The following ZSCAN25 variants were observed in gnomAD, a reference collection of about 807,000 sequenced individuals.
ZSCAN25 encodes zinc finger and SCAN domain containing 25.
A neutral mutation model predicts 38.7 loss-of-function variants in ZSCAN25; 27 were observed. The ratio of observed to expected loss-of-function variants is 0.70; its 90% CI spans 0.51 to 0.96. ZSCAN25 has a LOEUF of 0.96. ZSCAN25 is among the 40% of genes least tolerant of loss of function. The pLI is 0.00. For missense variants in ZSCAN25, 637 were observed against 705.9 expected (o/e 0.90, Z 1.11); for synonymous variants, 273 against 277.7 (o/e 0.98, Z 0.17).
downstream of ZSCAN25, among the ~76,000 whole-genome samples, chr7:99,633,883 T>G (rs1438674289): frequency 6.6e-6 from 1 of 152,244 alleles, no homozygotes; most frequent in Non-Finnish European, 1.5e-5. Context: ...ACAGCTTCTT[T>G]GCTTTCTGGC....
At chr7:99,647,476 A>T in the ZSCAN25 span, 5 of 985,144 alleles carry the variant, frequency 5.1e-6, no homozygotes, top group Non-Finnish European at 6.0e-6. Context: ...TTCAGTGTTC[A>T]TTGCATTAAG....
the ZSCAN25 span, among the ~76,000 whole-genome samples, chr7:99,639,695 T>G: frequency 6.6e-6 from 1 of 152,186 alleles, no homozygotes; most frequent in Non-Finnish European, 1.5e-5. Context: ...GGCACTATGG[T>G]GAGAGCAGTT....
chr7:99,663,815 C>A, the ZSCAN25 span: 1 of 1,342,474 alleles, frequency 7.4e-7, no homozygotes, highest in South Asian at 2.0e-5. Context: ...CTTCCCCAAT[C>A]TCCTTCTTTA....
intron 1 of ZSCAN25, among the ~76,000 whole-genome samples, chr7:99,617,741 A>G (rs774922140): frequency 6.6e-6 from 1 of 152,168 alleles, no homozygotes; most frequent in Non-Finnish European, 1.5e-5. Context: ...ATCCTGTCTC[A>G]GAAACAAAAC....
the ZSCAN25 span, among the ~76,000 whole-genome samples, chr7:99,727,571 A>C: frequency 6.6e-6 from 1 of 151,660 alleles, no homozygotes; most frequent in African/African-American, 2.4e-5. Flanking sequence ...CATTCACTCT[A>C]TTTCCCCATA....
chr7:99,650,373 A>G, the ZSCAN25 span: 1 of 744,258 alleles, frequency 1.3e-6, no homozygotes, highest in East Asian at 2.6e-5. Flanking sequence ...TGGTCATTGA[A>G]ATCCTGCTTT....
At chr7:99,705,580 G>A in the ZSCAN25 span, 30 of 1,613,116 alleles carry the variant, frequency 1.9e-5, no homozygotes, top group East Asian at 1.6e-4. Flanking sequence ...CCTCCAAAGC[G>A]TAATTTCAGG....
chr7:99,687,309 A>G, the ZSCAN25 span, among the ~76,000 whole-genome samples: 1 of 152,234 alleles, frequency 6.6e-6, no homozygotes, highest in Non-Finnish European at 1.5e-5. Context: ...AGAATAACCA[A>G]TACAGAGAAG....
chr7:99,651,614 C>T, the ZSCAN25 span, among the ~76,000 whole-genome samples: 2,608 of 152,296 alleles, frequency 0.017, 84 homozygotes, highest in African/African-American at 0.058. Flanking sequence ...GACAAGGTTC[C>T]TCCCATCAGC....
the ZSCAN25 span, among the ~76,000 whole-genome samples, chr7:99,713,296 T>G: frequency 6.6e-6 from 1 of 152,170 alleles, no homozygotes; most frequent in Non-Finnish European, 1.5e-5. Context: ...TGGCTATCTA[T>G]GCCTGCATGC....
the ZSCAN25 span, chr7:99,720,188 A>C: frequency 8.6e-7 from 1 of 1,168,232 alleles, no homozygotes; most frequent in South Asian, 1.4e-5. Flanking sequence ...GGGGATGGGC[A>C]GGATGAAGTG....
the ZSCAN25 span, among the ~76,000 whole-genome samples, chr7:99,697,298 C>A: frequency 6.6e-6 from 1 of 152,120 alleles, no homozygotes; most frequent in Non-Finnish European, 1.5e-5. Context: ...ACTGAGGGTT[C>A]TGGATATCTG....
At chr7:99,731,529 C>T in the ZSCAN25 span, among the ~76,000 whole-genome samples, 4 of 152,280 alleles carry the variant, frequency 2.6e-5, no homozygotes, top group East Asian at 7.7e-4. Flanking sequence ...GGATTCTCAT[C>T]CTAGGTAGAA....
the ZSCAN25 span, among the ~76,000 whole-genome samples, chr7:99,651,263 TAC>T: frequency 6.6e-6 from 1 of 152,144 alleles, no homozygotes; most frequent in African/African-American, 2.4e-5. Context: ...AATATATATA[TAC>T]ACACACATAT....
chr7:99,656,638 A>G, the ZSCAN25 span, among the ~76,000 whole-genome samples: 1 of 152,190 alleles, frequency 6.6e-6, no homozygotes, highest in Non-Finnish European at 1.5e-5. Flanking sequence ...ATTGATTGGA[A>G]TAGTTTCAGA....
the ZSCAN25 span, among the ~76,000 whole-genome samples, chr7:99,641,555 C>G: frequency 6.6e-6 from 1 of 152,146 alleles, no homozygotes; most frequent in African/African-American, 2.4e-5. Flanking sequence ...TGAGTTCTAA[C>G]TCATATTCAC....
At chr7:99,720,632 G>A in the ZSCAN25 span, 4 of 489,584 alleles carry the variant, frequency 8.2e-6, no homozygotes, top group South Asian at 7.8e-5. Flanking sequence ...GGGCCAAACA[G>A]GGAAGAGAGA....
chr7:99,718,237 C>T, the ZSCAN25 span, among the ~76,000 whole-genome samples: 76 of 152,086 alleles, frequency 5.0e-4, no homozygotes, highest in South Asian at 1.7e-3. Context: ...CAAACCTGCA[C>T]GTTGTGCACA....
At chr7:99,643,776 C>A in the ZSCAN25 span, among the ~76,000 whole-genome samples, 106 of 151,578 alleles carry the variant, frequency 7.0e-4, no homozygotes, top group Non-Finnish European at 1.0e-3. Flanking sequence ...ATTGCTCCCC[C>A]CTCTCAGCCC....
Sources: gnomAD v4.1 joint callset for allele counts (sites outside exome capture counted in the v4.1 genomes callset) on GRCh38, gnomAD v4.1.1 for gene constraint, MANE v1.5 for transcripts, NCBI Gene and HGNC (gene_info 2026-07-23, HGNC 2026-07-21) for gene names.